The following MAPK8IP3 variants were observed in gnomAD, a reference collection of about 807,000 sequenced individuals.
MAPK8IP3 encodes the protein C-Jun-amino-terminal kinase-interacting protein 3.
Under a neutral mutation model 157.8 loss-of-function variants are expected in MAPK8IP3, and 49 were observed. That is an observed-to-expected ratio of 0.31 (90% CI 0.25 to 0.39). The LOEUF (loss-of-function observed/expected upper bound fraction) is 0.39, where lower values mean the gene tolerates loss of function less well. MAPK8IP3 is among the 10% of genes least tolerant of loss of function. The probability of loss-of-function intolerance (pLI) is 1.00; values close to 1 mark genes in which losing one functional copy is unlikely to be tolerated. For missense variants in MAPK8IP3, 1,478 were observed against 1,889.4 expected (o/e 0.78, Z 4.04); for synonymous variants, 897 against 777.7 (o/e 1.15, Z -2.55).
intron 6 of MAPK8IP3, 65 bp downstream of exon 6, chr16:1,747,340 T>A (rs756948848): frequency 1.9e-6 from 3 of 1,575,478 alleles, no homozygotes; most frequent in Non-Finnish European, 2.6e-6. Flanking sequence ...TTTGGGTAGA[T>A]GTGAAACTAA....
Position 1,768,570 on chromosome 16 carries a change from A to T in MAPK8IP3, c.3836A>T (p.Lys1279Met). The change falls in exon 31 of 32, where the codon AAG (lysine) becomes ATG (methionine). Residue 1279 changes from lysine (K) to methionine (M), a missense_variant. By Grantham distance (95) the Lys-to-Met change is moderately conservative. Around this residue, in one of 11 missense-constraint regions of MAPK8IP3, gnomAD observed 133 missense variants for 133.4 expected, o/e 1.00. Transcript: ENST00000610761. The stretch of plus-strand genomic sequence containing the variant: ...CCTGCCTCGGAGGTCGAGGGCCAGA[A>T]GCTGCGGAACGTGCTGGTGCTGAGC... ...AAPASEVEGQ[K>M]LRNVLVLSGG... is the part of the protein sequence containing the mutation. 1.3e-6 allele frequency: 2 copies of T among 1,584,092 alleles called. No individual in the cohort carries two copies. Among genetic ancestry groups the T allele is most frequent in the Non-Finnish European group, 1.7e-6 (2 of 1,166,046 alleles).
Position 1,706,237 on chromosome 16 carries a change from C to A in MAPK8IP3, c.-103C>A. ...CGGCGGAGCCCTGAGGCGACAGCAG[C>A]TGCGGGAGGCGACGGGCTGCGGCCT... is the stretch of plus-strand genomic sequence containing the variant. On this transcript the variant is annotated 5_prime_UTR_variant, in exon 1 of 32. In the 5' UTR this introduces an upstream ATG that the reference lacks. Transcript: ENST00000610761. This position sits in a 1 kb window ranked among gnomAD's most constrained non-coding sequence, Gnocchi z 5.1. 1 of 1,095,066 alleles carries A rather than the reference C, an allele frequency of 9.1e-7. No homozygotes were observed. The highest frequency in any genetic ancestry group is 1.2e-6 in the Non-Finnish European group (1 of 823,122). The allele number at this position is 1,095,066 out of a possible 1,614,324, so 67.8% of individuals were successfully genotyped here.
chr16:1,754,297 T>G (rs2041468867), intron 8 of MAPK8IP3, among the ~76,000 whole-genome samples: 1 of 152,160 alleles, frequency 6.6e-6, no homozygotes, highest in Non-Finnish European at 1.5e-5. Flanking sequence ...CAGCAAATAT[T>G]CACTAAGGAA....
chr16:1,768,024 C>T (rs200661541), intron 28 of MAPK8IP3, 45 bp from the exon 29 acceptor site: 28 of 1,611,690 alleles, frequency 1.7e-5, no homozygotes, highest in East Asian at 4.5e-5. Flanking sequence ...GCTGCCCCTA[C>T]GCTGACCGCT....
intron 12 of MAPK8IP3, 49 bp downstream of exon 12, chr16:1,760,581 G>A (rs745377077): frequency 6.4e-7 from 1 of 1,572,390 alleles, no homozygotes; most frequent in South Asian, 1.2e-5. Flanking sequence ...CCGGCCTCAG[G>A]GCTCTGGAGT....
chr16:1,761,657 C>T (rs1190048142), intron 13 of MAPK8IP3, among the ~76,000 whole-genome samples: 1 of 134,376 alleles, frequency 7.4e-6, no homozygotes, highest in African/African-American at 3.1e-5. Flanking sequence ...ACAGGCGGGG[C>T]GGCCACCATT....
intron 4 of MAPK8IP3, among the ~76,000 whole-genome samples, chr16:1,736,960 CCGTCCGTGTGACCGTCCGTGTGAG>C (rs2039963443): frequency 2.3e-5 from 1 of 42,716 alleles, no homozygotes. Flanking sequence ...GAGCGTGTGA[CCGTCCGTGTGACCGTCCGTGTGAG>C]CATCCGTGTG....
At chr16:1,709,350 G>A (rs1045908132) in intron 1 of MAPK8IP3, among the ~76,000 whole-genome samples, 6 of 152,218 alleles carry the variant, frequency 3.9e-5, no homozygotes, top group Non-Finnish European at 8.8e-5. Flanking sequence ...GCCCTCAGGA[G>A]CCACACACCC....
At chr16:1,726,219 A>G (rs2038870062) in intron 2 of MAPK8IP3, among the ~76,000 whole-genome samples, 1 of 152,238 alleles carries the variant, frequency 6.6e-6, no homozygotes, top group South Asian at 2.1e-4. Context: ...ATGGAAACAC[A>G]CTGGCATTCA....
rs1432874972 is a variant in MAPK8IP3 at position 1,769,053 on chromosome 16, G to GT, written c.*232dup. The GT allele has an allele frequency of 3.4e-6, 2 of 581,160 alleles. No individual in the cohort carries two copies. Among genetic ancestry groups the GT allele is most frequent in the African/African-American group, 3.8e-5 (2 of 53,254 alleles). The allele number at this position is 581,160 out of a possible 1,614,324, so 36.0% of individuals were successfully genotyped here. A position where few individuals can be genotyped will look rare whatever the true frequency, so the allele number is the denominator to read the frequency against. ...CCGAGGGGAAGATGCTCTCGGGACAGTTTCCCGGGCAGCTCCTGGCCAGCT... is the reference window on the plus strand; with the variant it reads ...CCGAGGGGAAGATGCTCTCGGGACAGTTTTCCCGGGCAGCTCCTGGCCAGCT... On this transcript the variant is annotated 3_prime_UTR_variant, in exon 32 of 32. Transcript: ENST00000610761.
intron 1 of MAPK8IP3, among the ~76,000 whole-genome samples, chr16:1,711,763 A>C (rs1485985905): frequency 6.6e-6 from 1 of 152,064 alleles, no homozygotes; most frequent in Non-Finnish European, 1.5e-5. Flanking sequence ...AATATGGTGA[A>C]ACCCCGTCTC....
intron 4 of MAPK8IP3, among the ~76,000 whole-genome samples, chr16:1,734,331 G>A (rs369160097): frequency 2.0e-5 from 3 of 152,350 alleles, no homozygotes; most frequent in South Asian, 2.1e-4. Flanking sequence ...CTCCCTGGCC[G>A]GCGGTGGTAC....
At chr16:1,715,338 G>T (rs1471134503) in intron 1 of MAPK8IP3, among the ~76,000 whole-genome samples, 1 of 152,120 alleles carries the variant, frequency 6.6e-6, no homozygotes, top group African/African-American at 2.4e-5. Flanking sequence ...TAACTCCAGA[G>T]CCACCCCCTG....
chr16:1,766,615 C>T lies in MAPK8IP3; in HGVS notation c.2906C>T (p.Ala969Val), dbSNP rs1165377992. 7.4e-6 allele frequency: 12 copies of T among 1,612,462 alleles called. No individual in the cohort carries two copies. Among genetic ancestry groups the T allele is most frequent in the Non-Finnish European group, 1.0e-5 (12 of 1,179,860 alleles). The change falls in exon 23 of 32, where the codon GCA becomes GTA. Residue 969 changes from alanine (A) to valine (V), a missense_variant. Physicochemically the swap from Ala to Val is moderately conservative, Grantham distance 64 (BLOSUM62 0). This residue lies in a region of MAPK8IP3 where 669 missense variants were observed against 759.8 expected (regional missense o/e 0.88). Transcript: ENST00000610761. ...GDPTGAGSSA[A>V]PTMWLGAQNG... ...CCCACGGGAGCAGGCAGCAGTGCTGCACCCACCATGTGGCTGGGAGCCCAG... is the reference window on the plus strand; with the variant it reads ...CCCACGGGAGCAGGCAGCAGTGCTGTACCCACCATGTGGCTGGGAGCCCAG...
Position 1,766,549 on chromosome 16 carries a change from A to ACAG in MAPK8IP3, c.2849_2851dup (p.Ser950dup). On this transcript the variant is annotated inframe_insertion, in exon 23 of 32. Coordinates refer to ENST00000610761, the MANE Select transcript of MAPK8IP3 (RefSeq NM_001318852.2). ...TGCAGCGAGAACGGGCCAGAGCCTG[A>ACAG]CAGCAGCAGCACACGGCCAGAGCCA... 1 of 1,612,122 alleles carries ACAG rather than the reference A, an allele frequency of 6.2e-7. No homozygotes were observed. The highest frequency in any genetic ancestry group is 8.5e-7 in the Non-Finnish European group (1 of 1,179,856).
At chr16:1,747,399 G>C in intron 6 of MAPK8IP3, 124 bp downstream of exon 6, 1 of 1,371,724 alleles carries the variant, frequency 7.3e-7, no homozygotes, top group Non-Finnish European at 9.8e-7. Context: ...CTCACAGCCC[G>C]GAGGCTGGGG....
chr16:1,746,892 A>G, intron 5 of MAPK8IP3, 137 bp from the exon 6 acceptor site: 1 of 1,083,658 alleles, frequency 9.2e-7, no homozygotes, highest in Non-Finnish European at 1.3e-6. Context: ...TGGGCGGCAG[A>G]GGAGCTCTGG....
chr16:1,712,384 C>T (rs1346811350), intron 1 of MAPK8IP3, among the ~76,000 whole-genome samples: 2 of 151,988 alleles, frequency 1.3e-5, no homozygotes, highest in Admixed American at 1.3e-4. Context: ...CTTTAATGTC[C>T]CCACTTTTCA....
intron 4 of MAPK8IP3, among the ~76,000 whole-genome samples, chr16:1,736,040 G>A (rs1291268685): frequency 4.5e-5 from 6 of 134,678 alleles, no homozygotes; most frequent in African/African-American, 8.8e-5. Flanking sequence ...GTGAGCATCC[G>A]TGTGAGCGTG....
Sources: gnomAD v4.1 joint callset for allele counts (sites outside exome capture counted in the v4.1 genomes callset) on GRCh38, gnomAD v4.1.1 for gene constraint, gnomAD v4.1.1 regional missense constraint, Gnocchi (gnomAD v3.1) non-coding constraint, MANE v1.5 for transcripts, NCBI Gene and HGNC (gene_info 2026-07-23, HGNC 2026-07-21) for gene names.